ADAMTS18: variants seen among roughly 807,000 people sequenced by gnomAD.
ADAMTS18 encodes ADAM metallopeptidase with thrombospondin type 1 motif 18.
Under a neutral mutation model 165.9 loss-of-function variants are expected in ADAMTS18, and 157 were observed. That is an observed-to-expected ratio of 0.95 (90% confidence interval 0.83 to 1.08). The LOEUF is 1.08. Ranked by LOEUF, ADAMTS18 falls within the 50% of genes least tolerant of loss-of-function variation. The probability of loss-of-function intolerance (pLI) is 0.00; values close to 1 mark genes in which losing one functional copy is unlikely to be tolerated. For synonymous variants in ADAMTS18, 782 were observed against 578.2 expected (o/e 1.35, Z -5.06); for missense variants, 2,040 against 1,534.0 (o/e 1.33, Z -5.51).
intron 13 of ADAMTS18, among the ~76,000 whole-genome samples, chr16:77,323,021 T>C (rs550121568): frequency 2.0e-4 from 31 of 152,104 alleles, no homozygotes; most frequent in African/African-American, 5.8e-4. Context: ...AACCATGTCA[T>C]AAAAATGAAG....
chr16:77,371,404 CA>C (rs1309472624), intron 3 of ADAMTS18, among the ~76,000 whole-genome samples: 1 of 151,802 alleles, frequency 6.6e-6, no homozygotes, highest in South Asian at 2.1e-4. Flanking sequence ...CTACAGTAAC[CA>C]AAAAAACATG....
intron 10 of ADAMTS18, among the ~76,000 whole-genome samples, chr16:77,346,205 T>C (rs1428851): frequency 0.39 from 59,439 of 152,004 alleles, 12,256 homozygotes; most frequent in East Asian, 0.61. Flanking sequence ...CCTTATCTTA[T>C]TCCAAACTTA....
intron 16 of ADAMTS18, among the ~76,000 whole-genome samples, chr16:77,304,784 A>T (rs1469992557): frequency 6.6e-6 from 1 of 152,222 alleles, no homozygotes; most frequent in Non-Finnish European, 1.5e-5. Flanking sequence ...CATAAAATAC[A>T]TAGTAGCTAT....
intron 3 of ADAMTS18, among the ~76,000 whole-genome samples, chr16:77,384,083 C>T (rs991992729): frequency 6.6e-6 from 1 of 152,058 alleles, no homozygotes; most frequent in South Asian, 2.1e-4. Context: ...CCTGTTCTGC[C>T]GACTTCCCTA....
chr16:77,337,346 G>A (rs1429726836), intron 11 of ADAMTS18, among the ~76,000 whole-genome samples: 1 of 152,158 alleles, frequency 6.6e-6, no homozygotes, highest in African/African-American at 2.4e-5. Context: ...AGCAGCCACA[G>A]GTTATCAAGC....
intron 3 of ADAMTS18, among the ~76,000 whole-genome samples, chr16:77,372,276 A>G (rs2056887276): frequency 6.6e-6 from 1 of 152,236 alleles, no homozygotes; most frequent in Admixed American, 6.5e-5. Flanking sequence ...GTATTTATTC[A>G]AAGGAAATGA....
intron 16 of ADAMTS18, among the ~76,000 whole-genome samples, chr16:77,312,927 C>G (rs899799138): frequency 1.3e-5 from 2 of 152,140 alleles, no homozygotes; most frequent in African/African-American, 4.8e-5. Context: ...CATTTGACCC[C>G]GCAATCCCAT....
In ADAMTS18 at chr16:77,322,369, G is replaced by C. The variant is rs1308087862; in HGVS notation, c.2130C>G (p.Asn710Lys). The change falls in exon 14 of 23, where the codon AAC becomes AAG. Residue 710 changes from asparagine (N) to lysine (K), a missense_variant. Coordinates refer to ENST00000282849, the MANE Select transcript of ADAMTS18 (RefSeq NM_199355.4). The part of the protein sequence containing the change: ...KVKDGTPCSP[N>K]KNDVCIDGVC... ...CCCCGTCAATACAAACATCATTTTT[G>C]TTTGGGGAGCAGGGAGTTCCATCTT... 1 of 1,613,850 alleles carries C rather than the reference G, an allele frequency of 6.2e-7. No individual in the cohort carries two copies.
At chr16:77,321,319 T>C (rs768112591) in intron 14 of ADAMTS18, 117 bp from the exon 15 acceptor site, 13 of 1,385,336 alleles carry the variant, frequency 9.4e-6, no homozygotes, top group Non-Finnish European at 1.3e-5. Context: ...CAGTACAGCT[T>C]ATGGTTAAAA....
intron 10 of ADAMTS18, 125 bp downstream of exon 10, chr16:77,353,608 T>C: frequency 3.0e-6 from 4 of 1,312,242 alleles, no homozygotes; most frequent in South Asian, 2.4e-5. Context: ...GCCAAACAAC[T>C]GACACGGTAG....
At chr16:77,422,050 A>T (rs775476903) in intron 3 of ADAMTS18, among the ~76,000 whole-genome samples, 7 of 152,130 alleles carry the variant, frequency 4.6e-5, no homozygotes, top group Non-Finnish European at 1.0e-4. Context: ...TCCAGAAATA[A>T]TAAGCTCTGG....
At chr16:77,360,326 C>T (rs1244790290) in intron 7 of ADAMTS18, among the ~76,000 whole-genome samples, 1 of 152,152 alleles carries the variant, frequency 6.6e-6, no homozygotes, top group Admixed American at 6.5e-5. Context: ...GTATTTATAG[C>T]TTAGGAAACC....
rs2055189272 is a variant in ADAMTS18 at position 77,283,558 on chromosome 16, T to TGAGTC, written c.*393_*397dup. On this transcript the variant is annotated 3_prime_UTR_variant, in exon 23 of 23. Transcript: ENST00000282849. ...GTATTCCATCCAGATTTGAAAGTTC[T>TGAGTC]GAGTCTCAGTCTTTGACCTGAAGTC... The TGAGTC allele has an allele frequency of 4.8e-6, 1 of 210,352 alleles. No individual in the cohort carries two copies. Among genetic ancestry groups the TGAGTC allele is most frequent in the South Asian group, 7.6e-5 (1 of 13,156 alleles). The allele number at this position is 210,352 out of a possible 1,614,324, so 13.0% of individuals were successfully genotyped here.
chr16:77,412,087 TC>T (rs1182396032), intron 3 of ADAMTS18, among the ~76,000 whole-genome samples: 1 of 152,020 alleles, frequency 6.6e-6, no homozygotes, highest in East Asian at 1.9e-4. Context: ...CAGATGGCCC[TC>T]CCCAATGGGT....
intron 3 of ADAMTS18, among the ~76,000 whole-genome samples, chr16:77,414,909 C>T (rs1448395785): frequency 6.6e-6 from 1 of 152,140 alleles, no homozygotes; most frequent in African/African-American, 2.4e-5. Context: ...AACCATGAAG[C>T]CTCTGTCTCC....
At chr16:77,333,975 C>CATATATGCTATATATAATATACAGTGCA (rs1567490696) in intron 12 of ADAMTS18, among the ~76,000 whole-genome samples, 5 of 109,166 alleles carry the variant, frequency 4.6e-5, no homozygotes, top group Admixed American at 9.4e-5. Flanking sequence ...AATATAGTGT[C>CATATATGCTATATATAATATACAGTGCA]ATATATGCTA....
chr16:77,328,334 A>G (rs1309270230), intron 12 of ADAMTS18, among the ~76,000 whole-genome samples: 2 of 152,128 alleles, frequency 1.3e-5, no homozygotes, highest in African/African-American at 4.8e-5. Flanking sequence ...ATCTTGTATA[A>G]CATGAAAGGC....
At position 77,283,738 on chromosome 16, in the gene ADAMTS18, CGCTTCCCATTTTCAAGT is replaced by C. The variant is rs2055193037; in HGVS notation, c.*201_*217del. ...TTTTTTTTAAAGTCAGATTTGTCAT[CGCTTCCCATTTTCAAGT>C]GCTTCAGAGTACCACGTGCTTCAGG... On this transcript the variant is annotated 3_prime_UTR_variant, in exon 23 of 23. Coordinates refer to ENST00000282849, the MANE Select transcript of ADAMTS18 (RefSeq NM_199355.4). 2 of 550,460 alleles carry C rather than the reference CGCTTCCCATTTTCAAGT, an allele frequency of 3.6e-6. No homozygotes were observed. Among genetic ancestry groups the C allele is most frequent in the East Asian group, 6.3e-5 (2 of 31,828 alleles). 34.1% of individuals were successfully genotyped at this position (550,460 alleles called of 1,614,324 possible). A position where few individuals can be genotyped will look rare whatever the true frequency, so the allele number is the denominator to read the frequency against.
chr16:77,300,155 C>A lies in ADAMTS18; in HGVS notation c.2674+108G>T, dbSNP rs919176074. The A allele has an allele frequency of 3.0e-6, 4 of 1,324,198 alleles. No individual in the cohort carries two copies. The African/African-American group carries it at 5.8e-5, about 19-fold the overall frequency. 82.0% of individuals were successfully genotyped at this position (1,324,198 alleles called of 1,614,324 possible). ...TTATGGTGATGGTTCTCATAAAAGACAGTTCTTGGGTGGCTTATTTAAACC... is the reference window on the plus strand; with the variant it reads ...TTATGGTGATGGTTCTCATAAAAGAAAGTTCTTGGGTGGCTTATTTAAACC... On this transcript the variant is annotated intron_variant, in intron 17 of 22. Transcript: ENST00000282849.
Sources: allele counts gnomAD v4.1 joint callset (sites outside exome capture counted in the v4.1 genomes callset), GRCh38; gene constraint gnomAD v4.1.1; transcripts MANE v1.5; gene names NCBI Gene and HGNC (gene_info 2026-07-23, HGNC 2026-07-21).